KCNQ1: variants seen among roughly 807,000 people sequenced by gnomAD.
KCNQ1 encodes the protein potassium voltage-gated channel subfamily KQT member 1.
KCNQ1 carries 49 observed loss-of-function variants against 72.4 expected under a neutral mutation model. That is an observed-to-expected ratio of 0.68 (90% CI 0.54 to 0.86). The LOEUF is 0.86. Ranked by LOEUF, KCNQ1 falls within the 40% of genes least tolerant of loss-of-function variation. The pLI is 0.00. For missense variants in KCNQ1, 790 were observed against 945.1 expected (o/e 0.84, Z 2.15); for synonymous variants, 450 against 412.6 (o/e 1.09, Z -1.10).
chr11:2,577,018 G>A (rs571271987), intron 6 of KCNQ1, among the ~76,000 whole-genome samples: 88 of 152,346 alleles, frequency 5.8e-4, no homozygotes, highest in African/African-American at 1.9e-3. Context: ...ACAGCAGTCC[G>A]TCTCCCAGGG....
chr11:2,662,028 G>A lies in KCNQ1; in HGVS notation c.1461G>A (p.Glu487=), dbSNP rs1484770565. Residue 487 remains glutamate, a synonymous_variant, in exon 11 of 16, where the codon GAG becomes GAA. Coordinates refer to ENST00000155840, the MANE Select transcript of KCNQ1 (RefSeq NM_000218.3). ...PHFMRTNSFA[E]DLDLEGETLL... is the part of the protein sequence containing the mutation. ...TCATGAGAACCAACAGCTTCGCCGA[G>A]GACCTGGACCTGGAAGGGGAGACTC... 2 of 1,614,210 alleles carry A rather than the reference G, an allele frequency of 1.2e-6. No individual in the cohort carries two copies. Among genetic ancestry groups the A allele is most frequent in the South Asian group, 2.2e-5 (2 of 91,090 alleles).
Position 2,496,079 on chromosome 11 carries a change from C to T in KCNQ1, c.387-31849C>T, listed in dbSNP as rs559169792. On this transcript the variant is annotated intron_variant, in intron 1 of 15. Coordinates refer to ENST00000155840, the MANE Select transcript of KCNQ1 (RefSeq NM_000218.3). The stretch of plus-strand genomic sequence containing the variant: ...TCTTCTTGTTGCATTGATCCCTTTA[C>T]CATTATGTAATGCTCTTCTTTGTCT... Among the ~76,000 whole-genome samples, 327 of 152,198 alleles carry T rather than the reference C, an allele frequency of 2.1e-3. 4 individuals are homozygous for T. Among genetic ancestry groups the T allele is most frequent in the African/African-American group, 7.6e-3 (317 of 41,510 alleles).
At chr11:2,706,194 C>T (rs1212007241) in intron 11 of KCNQ1, among the ~76,000 whole-genome samples, 1 of 152,226 alleles carries the variant, frequency 6.6e-6, no homozygotes, top group Non-Finnish European at 1.5e-5. Flanking sequence ...CTGTGATTTG[C>T]TTCTTTCAAA....
At position 2,559,331 on chromosome 11, in the gene KCNQ1, C is replaced by A. The variant is rs1165381573; in HGVS notation, c.478-11297C>A. ...TGGCTCCCCTTAGGCCAGGGGTAGA[C>A]GCAGGCACAGGGAGGATCAGGAAAG... On this transcript the variant is annotated intron_variant, in intron 2 of 15. Transcript: ENST00000155840. This position sits in a 1 kb window ranked among gnomAD's most constrained non-coding sequence, Gnocchi z 4.9. Among the ~76,000 whole-genome samples, 3 of 152,168 alleles carry A rather than the reference C, an allele frequency of 2.0e-5. No individual in the cohort carries two copies. Among genetic ancestry groups the A allele is most frequent in the Non-Finnish European group, 2.9e-5 (2 of 68,032 alleles).
intron 10 of KCNQ1, chr11:2,646,046 G>A (rs1849660694): frequency 2.5e-6 from 1 of 398,654 alleles, no homozygotes; most frequent in Non-Finnish European, 4.4e-6. Context: ...ACATCGAGGA[G>A]TCTCTTCATG....
chr11:2,661,092 AG>A lies in KCNQ1; in HGVS notation c.1394-868del. On this transcript the variant is annotated intron_variant, in intron 10 of 15. Transcript: ENST00000155840. This position sits in a 1 kb window ranked among gnomAD's most constrained non-coding sequence, Gnocchi z 5.9. ...CACAGTGACATCCCATGTGCATAAA[AG>A]CAACTCCCACCTGGCATCTGCTGCT... 1 of 398,580 alleles carries A rather than the reference AG, an allele frequency of 2.5e-6. No individual in the cohort carries two copies. The highest frequency in any genetic ancestry group is 1.3e-4 in the South Asian group (1 of 7,862). 24.7% of individuals were successfully genotyped at this position (398,580 alleles called of 1,614,324 possible).
Position 2,815,366 on chromosome 11 carries a change from G to A in KCNQ1, c.1795-32401G>A, listed in dbSNP as rs1398398281. Reference sequence around the variant, plus strand: ...TTTCTGGTGGGGGGCTTGTCAGGGAGCTCATGGGCACCTCTGGGTTCTAAG... The same window carrying A: ...TTTCTGGTGGGGGGCTTGTCAGGGAACTCATGGGCACCTCTGGGTTCTAAG... On this transcript the variant is annotated intron_variant, in intron 15 of 15. Coordinates refer to ENST00000155840, the MANE Select transcript of KCNQ1 (RefSeq NM_000218.3). The surrounding 1 kb of genome is among the most constrained non-coding windows in gnomAD (Gnocchi z 5.4). Among the ~76,000 whole-genome samples, 2 of 152,170 alleles carry A rather than the reference G, an allele frequency of 1.3e-5. No individual in the cohort carries two copies. The highest frequency in any genetic ancestry group is 2.9e-5 in the Non-Finnish European group (2 of 68,020).
chr11:2,476,313 T>C (rs1589901820), intron 1 of KCNQ1, among the ~76,000 whole-genome samples: 1 of 152,186 alleles, frequency 6.6e-6, no homozygotes, highest in East Asian at 1.9e-4. Flanking sequence ...GTTTAATTAA[T>C]GAAAGTCTAA....
In KCNQ1 at chr11:2,775,998, G is replaced by A; in HGVS notation, c.1629G>A (p.Glu543=). Residue 543 remains glutamate (E), a synonymous_variant, in exon 13 of 16, where the codon GAG becomes GAA. Transcript: ENST00000155840. ...CTTACGATGTGCGGGACGTCATTGA[G>A]CAGTACTCGCAGGGCCACCTCAACC... ...RKPYDVRDVI[E]QYSQGHLNLM... 1 of 1,572,518 alleles carries A rather than the reference G, an allele frequency of 6.4e-7. No individual in the cohort carries two copies. The highest frequency in any genetic ancestry group is 8.6e-7 in the Non-Finnish European group (1 of 1,159,154).
intron 15 of KCNQ1, among the ~76,000 whole-genome samples, chr11:2,845,010 A>G (rs1848292945): frequency 6.6e-6 from 1 of 152,106 alleles, no homozygotes; most frequent in South Asian, 2.1e-4. Context: ...TGCACCTTTG[A>G]TCTGCTACGC....
intron 1 of KCNQ1, among the ~76,000 whole-genome samples, chr11:2,514,586 C>T (rs942966362): frequency 2.0e-5 from 3 of 152,240 alleles, no homozygotes; most frequent in Non-Finnish European, 2.9e-5. Flanking sequence ...AATCCCAGCA[C>T]TTTGGGAGGC....
At chr11:2,616,774 A>G (rs2133798193) in intron 10 of KCNQ1, 1 of 398,208 alleles carries the variant, frequency 2.5e-6, no homozygotes, top group Non-Finnish European at 4.4e-6. Flanking sequence ...TCTATATTTT[A>G]AAATTTATTG....
intron 10 of KCNQ1, chr11:2,640,335 C>G (rs147288360): frequency 2.5e-6 from 1 of 398,486 alleles, no homozygotes; most frequent in Middle Eastern, 6.3e-4. Flanking sequence ...TCCTCCTATT[C>G]GGCCATCTTG....
At chr11:2,644,313 A>G in intron 10 of KCNQ1, 1 of 398,272 alleles carries the variant, frequency 2.5e-6, no homozygotes, top group Non-Finnish European at 4.4e-6. Flanking sequence ...ATTTCAAAAG[A>G]CTTATCTTCA....
Position 2,750,667 on chromosome 11 carries a change from C to T in KCNQ1, c.1515-18177C>T, listed in dbSNP as rs1321165304. Among the ~76,000 whole-genome samples the T allele has an allele frequency of 2.0e-5, 3 of 152,234 alleles. No homozygotes were observed. In the East Asian group the frequency reaches 5.8e-4, roughly 29 times the overall value. On this transcript the variant is annotated intron_variant, in intron 11 of 15. Transcript: ENST00000155840. This position sits in a 1 kb window ranked among gnomAD's most constrained non-coding sequence, Gnocchi z 6.3. ...TCTTCTGAGACATTAGGGGTTTTCTCTCCCTTGTTTTAATCAACCAGTTCC... is the reference window on the plus strand; with the variant it reads ...TCTTCTGAGACATTAGGGGTTTTCTTTCCCTTGTTTTAATCAACCAGTTCC...
At position 2,715,480 on chromosome 11, in the gene KCNQ1, C is replaced by A. The variant is rs1460331796; in HGVS notation, c.1515-53364C>A. Among the ~76,000 whole-genome samples, 1 of 152,038 alleles carries A rather than the reference C, an allele frequency of 6.6e-6. No individual in the cohort carries two copies. The highest frequency in any genetic ancestry group is 1.9e-4 in the East Asian group (1 of 5,180). On this transcript the variant is annotated intron_variant, in intron 11 of 15. Transcript: ENST00000155840. This position sits in a 1 kb window ranked among gnomAD's most constrained non-coding sequence, Gnocchi z 4.9. ...CCCTGCAGCCTGGCTCAGGCAGGGG[C>A]ATGTGTGAAGGCCCAGGGGGAAGAG... is the stretch of plus-strand genomic sequence containing the variant.
Position 2,551,716 on chromosome 11 carries a change from C to T in KCNQ1, c.478-18912C>T, listed in dbSNP as rs551450323. ...TGGTAGGCCCGTTTTCCACTCTTAC[C>T]ATCAATGTACGAGCATTCTGGCTCC... On this transcript the variant is annotated intron_variant, in intron 2 of 15. Transcript: ENST00000155840. Among the ~76,000 whole-genome samples the T allele has an allele frequency of 2.6e-5, 4 of 152,334 alleles. No homozygotes were observed. In the East Asian group the frequency reaches 7.7e-4, roughly 29 times the overall value.
chr11:2,755,542 AG>A (rs1846285857), intron 11 of KCNQ1, among the ~76,000 whole-genome samples: 1 of 152,234 alleles, frequency 6.6e-6, no homozygotes, highest in South Asian at 2.1e-4. Context: ...TATAGGCATG[AG>A]CCACTGTGCC....
At chr11:2,733,820 TCA>T (rs1475283751) in intron 11 of KCNQ1, among the ~76,000 whole-genome samples, 1,465 of 25,026 alleles carry the variant, frequency 0.059, 140 homozygotes, top group African/African-American at 0.15. Flanking sequence ...ACACACTCTC[TCA>T]CTCTCTCTCT....
Sources: gnomAD v4.1 joint callset for allele counts (sites outside exome capture counted in the v4.1 genomes callset) on GRCh38, gnomAD v4.1.1 for gene constraint, Gnocchi (gnomAD v3.1) non-coding constraint, MANE v1.5 for transcripts, NCBI Gene and HGNC (gene_info 2026-07-23, HGNC 2026-07-21) for gene names.